The following GBE1 variants were observed in gnomAD, a reference collection of about 807,000 sequenced individuals.
GBE1 encodes 1,4-alpha-glucan-branching enzyme.
Under a neutral mutation model 88.8 loss-of-function variants are expected in GBE1, and 70 were observed. The observed-to-expected ratio is 0.79, with a 90% CI of 0.65 to 0.96. The LOEUF (loss-of-function observed/expected upper bound fraction) is 0.96, where lower values mean the gene tolerates loss of function less well. GBE1 is among the 40% of genes least tolerant of loss of function. The pLI is 0.00. For synonymous variants in GBE1, 284 were observed against 300.1 expected (o/e 0.95, Z 0.56); for missense variants, 872 against 871.0 (o/e 1.00, Z -0.01).
chr3:81,705,339 G>A, intron 2 of GBE1, 105 bp downstream of exon 2: 1 of 840,486 alleles, frequency 1.2e-6, no homozygotes, highest in Non-Finnish European at 1.7e-6. Context: ...ATATTTATTT[G>A]TAATCATTAA....
intron 12 of GBE1, among the ~76,000 whole-genome samples, chr3:81,547,513 T>A (rs969760557): frequency 6.6e-5 from 10 of 151,216 alleles, no homozygotes; most frequent in Non-Finnish European, 1.5e-4. Flanking sequence ...AGCCAGGGCT[T>A]TGGTGCAGCC....
chr3:81,721,244 A>G lies in GBE1; in HGVS notation c.144-15631T>C, dbSNP rs1247762251. On this transcript the variant is annotated intron_variant, in intron 1 of 15. Coordinates refer to ENST00000429644, the MANE Select transcript of GBE1 (RefSeq NM_000158.4). ...ATAAATAAATAAATAAAAACACATG[A>G]AAAAAAAAAAAAAGAAAGAAAACCC... Among the ~76,000 whole-genome samples, 116 of 80,364 alleles carry G rather than the reference A, an allele frequency of 1.4e-3. 4 individuals are homozygous for G. Among genetic ancestry groups the G allele is most frequent in the Middle Eastern group, 0.01 (2 of 196 alleles). The allele number at this position is 80,364 out of a possible 152,430, so 52.7% of individuals were successfully genotyped here.
intron 1 of GBE1, among the ~76,000 whole-genome samples, chr3:81,710,835 G>GT (rs779304902): frequency 1.3e-5 from 2 of 152,106 alleles, no homozygotes; most frequent in African/African-American, 4.8e-5. Context: ...TTCCAAAAGT[G>GT]TTTAAGAATG....
chr3:81,520,677 T>C (rs1702860587), intron 14 of GBE1, among the ~76,000 whole-genome samples: 1 of 151,608 alleles, frequency 6.6e-6, no homozygotes, highest in African/African-American at 2.4e-5. Flanking sequence ...ATGTATTTTA[T>C]CTTTCTAAGC....
rs1704958137 is a variant in GBE1 at position 81,657,453 on chromosome 3, T to C, written c.430-7532A>G. 2.0e-5 allele frequency among the ~76,000 whole-genome samples: 3 copies of C among 152,154 alleles called. No individual in the cohort carries two copies. The South Asian group carries it at 6.2e-4, about 32-fold the overall frequency. ...CTAGGAAGATGAAAATCAGAAACAC[T>C]CTTCATCGTAACTGCTAGTTCATTG... On this transcript the variant is annotated intron_variant, in intron 3 of 15. Coordinates refer to ENST00000429644, the MANE Select transcript of GBE1 (RefSeq NM_000158.4).
At chr3:81,649,048 C>G (rs1255129124) in intron 4 of GBE1, 57 bp from the exon 5 acceptor site, 23 of 1,150,034 alleles carry the variant, frequency 2.0e-5, no homozygotes, top group Non-Finnish European at 2.7e-5. Context: ...ATGACACTAC[C>G]TGATCAAGTA....
At chr3:81,545,217 A>AT (rs984716494) in intron 12 of GBE1, among the ~76,000 whole-genome samples, 12 of 143,634 alleles carry the variant, frequency 8.4e-5, no homozygotes, top group African/African-American at 2.8e-4. Flanking sequence ...AGGGCCTGTG[A>AT]TTTTTCTTTA....
intron 12 of GBE1, among the ~76,000 whole-genome samples, chr3:81,538,419 T>G (rs911219636): frequency 1.3e-5 from 2 of 152,006 alleles, no homozygotes; most frequent in African/African-American, 4.8e-5. Context: ...TAAAAATTAA[T>G]AAGTGTCTAC....
intron 12 of GBE1, among the ~76,000 whole-genome samples, chr3:81,539,863 T>C (rs1265162968): frequency 2.0e-5 from 3 of 151,906 alleles, no homozygotes; most frequent in Admixed American, 6.6e-5. Flanking sequence ...TCAGCATCTG[T>C]AGATTTAGAA....
At chr3:81,524,715 CT>C (rs1702921207) in intron 14 of GBE1, among the ~76,000 whole-genome samples, 1 of 151,766 alleles carries the variant, frequency 6.6e-6, no homozygotes, top group Admixed American at 6.6e-5. Flanking sequence ...AATGAGTTCA[CT>C]GTAGATACAT....
At chr3:81,614,773 C>A (rs1360141991) in intron 7 of GBE1, among the ~76,000 whole-genome samples, 1 of 152,032 alleles carries the variant, frequency 6.6e-6, no homozygotes, top group East Asian at 1.9e-4. Context: ...GCAGGAGAAT[C>A]GCTTGAACCC....
intron 14 of GBE1, among the ~76,000 whole-genome samples, chr3:81,524,738 T>C (rs1267867674): frequency 2.0e-5 from 3 of 151,902 alleles, no homozygotes; most frequent in Non-Finnish European, 2.9e-5. Context: ...GATTGATTTC[T>C]GGTTTTATAT....
chr3:81,586,562 T>C (rs1703805387), intron 9 of GBE1, among the ~76,000 whole-genome samples: 1 of 152,236 alleles, frequency 6.6e-6, no homozygotes, highest in Non-Finnish European at 1.5e-5. Flanking sequence ...AAATCTGTTA[T>C]AGTTGTTCTT....
chr3:81,580,298 A>T (rs1417246654), intron 11 of GBE1, among the ~76,000 whole-genome samples: 2 of 152,078 alleles, frequency 1.3e-5, no homozygotes, highest in African/African-American at 4.8e-5. Flanking sequence ...CACAGTGCTA[A>T]AGGCTGGAAA....
intron 13 of GBE1, among the ~76,000 whole-genome samples, chr3:81,536,031 A>T (rs1703069082): frequency 6.6e-6 from 1 of 151,990 alleles, no homozygotes; most frequent in Non-Finnish European, 1.5e-5. Flanking sequence ...TTGGTAATTT[A>T]GAAATGTGAA....
At chr3:81,524,910 T>A (rs1016167553) in intron 14 of GBE1, among the ~76,000 whole-genome samples, 10 of 151,964 alleles carry the variant, frequency 6.6e-5, no homozygotes, top group African/African-American at 2.4e-4. Flanking sequence ...TGATTTCAAG[T>A]AAATTTTAGG....
intron 1 of GBE1, among the ~76,000 whole-genome samples, chr3:81,709,734 T>C (rs951057729): frequency 6.6e-6 from 1 of 152,190 alleles, no homozygotes; most frequent in Non-Finnish European, 1.5e-5. Context: ...ACTAAGTATC[T>C]TGACTTCCCT....
At chr3:81,661,464 C>T (rs1213988539) in intron 3 of GBE1, among the ~76,000 whole-genome samples, 1 of 152,226 alleles carries the variant, frequency 6.6e-6, no homozygotes, top group African/African-American at 2.4e-5. Context: ...CCACAACCAC[C>T]TGTCGCATTA....
intron 12 of GBE1, among the ~76,000 whole-genome samples, chr3:81,564,967 G>C (rs944316902): frequency 6.6e-6 from 1 of 152,076 alleles, no homozygotes; most frequent in Non-Finnish European, 1.5e-5. Context: ...TCAGGCTCTT[G>C]GGCTTCAATA....
Sources: allele counts gnomAD v4.1 joint callset (sites outside exome capture counted in the v4.1 genomes callset), GRCh38; gene constraint gnomAD v4.1.1; transcripts MANE v1.5; gene names NCBI Gene and HGNC (gene_info 2026-07-23, HGNC 2026-07-21).